The following DOCK4 variants were observed in gnomAD, a reference collection of about 807,000 sequenced individuals.
DOCK4 encodes dedicator of cytokinesis 4.
A neutral mutation model predicts 268.1 loss-of-function variants in DOCK4; 97 were observed. That is an observed-to-expected ratio of 0.36 (90% CI 0.31 to 0.43). The LOEUF (loss-of-function observed/expected upper bound fraction) is 0.43, where lower values mean the gene tolerates loss of function less well. Ranked by LOEUF, DOCK4 falls within the 20% of genes least tolerant of loss-of-function variation. The pLI is 1.00. For synonymous variants in DOCK4, 954 were observed against 887.2 expected, an observed-to-expected ratio of 1.08 and a Z score of -1.34; for missense variants, 2,145 against 2,455.7, an observed-to-expected ratio of 0.87 and a Z score of 2.67.
At chr7:112,172,758 A>C (rs534491755) in intron 1 of DOCK4, among the ~76,000 whole-genome samples, 1 of 152,372 alleles carries the variant, frequency 6.6e-6, no homozygotes. Context: ...TAAGTAAAAA[A>C]TGTAAAGCCG....
At chr7:112,103,039 G>A (rs1024619214) in intron 1 of DOCK4, among the ~76,000 whole-genome samples, 1 of 152,134 alleles carries the variant, frequency 6.6e-6, no homozygotes, top group Admixed American at 6.6e-5. Context: ...CTAGACCTCT[G>A]TCTCTGGTTA....
chr7:111,736,816 G>T lies in DOCK4; in HGVS notation c.5305+101C>A, dbSNP rs1049329993. On this transcript the variant is annotated intron_variant, in intron 50 of 52. Transcript: ENST00000428084. ...GCATACTAGTCCTGATCATTAAAGAGCTAGAGCACTGCTTTCCACACAGAC... is the reference window on the plus strand; with the variant it reads ...GCATACTAGTCCTGATCATTAAAGATCTAGAGCACTGCTTTCCACACAGAC... 1.4e-5 allele frequency: 14 copies of T among 1,011,082 alleles called. No homozygotes were observed. In the African/African-American group the frequency reaches 2.2e-4, roughly 16 times the overall value. The allele number at this position is 1,011,082 out of a possible 1,614,324, so 62.6% of individuals were successfully genotyped here. A position where few individuals can be genotyped will look rare whatever the true frequency, so the allele number is the denominator to read the frequency against.
At chr7:112,160,311 G>C (rs1439194770) in intron 1 of DOCK4, among the ~76,000 whole-genome samples, 1 of 152,156 alleles carries the variant, frequency 6.6e-6, no homozygotes, top group African/African-American at 2.4e-5. Flanking sequence ...TCTGCAAATT[G>C]AATTGGTGGG....
chr7:111,741,539 C>T lies in DOCK4; in HGVS notation c.4919+1G>A. ...GTAAGATAATTTGGAATATGACTTA[C>T]CTGCGTCTAGGAATTACCCTGGTAC... On this transcript the variant is annotated splice_donor_variant, in intron 46 of 52. Transcript: ENST00000428084. LOFTEE classifies it high-confidence loss of function. 1 of 1,612,560 alleles carries T rather than the reference C, an allele frequency of 6.2e-7. No homozygotes were observed. The highest frequency in any genetic ancestry group is 8.5e-7 in the Non-Finnish European group (1 of 1,179,380).
intron 36 of DOCK4, among the ~76,000 whole-genome samples, chr7:111,772,743 C>G (rs1235020140): frequency 6.6e-6 from 1 of 152,158 alleles, no homozygotes; most frequent in Non-Finnish European, 1.5e-5. Flanking sequence ...TTGCAGTGAG[C>G]TGAGATCATG....
intron 12 of DOCK4, among the ~76,000 whole-genome samples, chr7:111,935,075 T>C (rs916026564): frequency 6.6e-6 from 1 of 151,678 alleles, no homozygotes; most frequent in Non-Finnish European, 1.5e-5. Context: ...ACCTCCCGAG[T>C]AGCTGGGATT....
intron 8 of DOCK4, among the ~76,000 whole-genome samples, chr7:111,946,573 CATTTATTTATTT>C (rs1046249136): frequency 6.6e-6 from 1 of 152,044 alleles, no homozygotes. Context: ...TTATGCATGC[CATTTATTTATTT>C]ATTATTATTA....
chr7:111,905,683 A>G lies in DOCK4; in HGVS notation c.1193-3882T>C, dbSNP rs11983526. Among the ~76,000 whole-genome samples, 1,141 of 147,722 alleles carry G rather than the reference A, an allele frequency of 7.7e-3. 14 individuals carry two copies. The highest frequency in any genetic ancestry group is 0.025 in the African/African-American group (1,001 of 40,328). ...ATCTATTTTTTATATATATGCATGTATGTGTGTGTGTGTGTGTGTGTGTGT... is the reference window on the plus strand; with the variant it reads ...ATCTATTTTTTATATATATGCATGTGTGTGTGTGTGTGTGTGTGTGTGTGT... On this transcript the variant is annotated intron_variant, in intron 13 of 52. Coordinates refer to ENST00000428084, the MANE Select transcript of DOCK4 (RefSeq NM_001363540.2).
intron 30 of DOCK4, among the ~76,000 whole-genome samples, chr7:111,793,545 T>C (rs1470009986): frequency 2.6e-5 from 4 of 152,252 alleles, no homozygotes; most frequent in African/African-American, 9.6e-5. Flanking sequence ...TTGTATATTG[T>C]ATGTGTTTAC....
At chr7:111,905,679 ATGTATG>A (rs1289755924) in intron 13 of DOCK4, among the ~76,000 whole-genome samples, 3 of 115,292 alleles carry the variant, frequency 2.6e-5, no homozygotes, top group African/African-American at 1.2e-4. Flanking sequence ...ATATATATGC[ATGTATG>A]TGTGTGTGTG....
At chr7:112,200,496 T>A (rs1820812570) in intron 1 of DOCK4, among the ~76,000 whole-genome samples, 1 of 152,056 alleles carries the variant, frequency 6.6e-6, no homozygotes, top group Non-Finnish European at 1.5e-5. Flanking sequence ...TGTATTACTG[T>A]GTTACGGTTA....
At chr7:111,732,495 C>T (rs1292346140) in intron 51 of DOCK4, 8 of 592,056 alleles carry the variant, frequency 1.4e-5, no homozygotes, top group African/African-American at 1.3e-4. Flanking sequence ...GATATGGGAG[C>T]ATCAGTGAAA....
chr7:112,104,348 T>C (rs952922489), intron 1 of DOCK4, among the ~76,000 whole-genome samples: 1 of 152,200 alleles, frequency 6.6e-6, no homozygotes, highest in Non-Finnish European at 1.5e-5. Flanking sequence ...ATCACTGCAA[T>C]AGAATGCCTC....
intron 1 of DOCK4, among the ~76,000 whole-genome samples, chr7:112,130,239 C>G (rs1813680407): frequency 6.6e-6 from 1 of 152,076 alleles, no homozygotes; most frequent in Admixed American, 6.5e-5. Context: ...AGTACAGGTA[C>G]CCGTTGGGGA....
At chr7:112,018,070 T>A (rs1586651465) in intron 1 of DOCK4, among the ~76,000 whole-genome samples, 1 of 136,462 alleles carries the variant, frequency 7.3e-6, no homozygotes, top group South Asian at 2.4e-4. Context: ...GCACCTGTAG[T>A]CCCAGCTACT....
chr7:111,865,313 G>A (rs1212679476), intron 22 of DOCK4, among the ~76,000 whole-genome samples: 1 of 152,228 alleles, frequency 6.6e-6, no homozygotes, highest in Non-Finnish European at 1.5e-5. Context: ...TGGGGCAGGA[G>A]GACTAAATGA....
Position 112,128,626 on chromosome 7 carries a change from T to C in DOCK4, c.37+77476A>G, listed in dbSNP as rs189991188. Among the ~76,000 whole-genome samples the C allele has an allele frequency of 4.0e-3, 615 of 152,292 alleles. 6 individuals are homozygous for C. The highest frequency in any genetic ancestry group is 5.2e-3 in the Non-Finnish European group (351 of 68,024). ...ATCTGTGACCTTACCCCCAACCCTGTGCTCTCTGAAACATGTCCTCTGTCC... is the reference window on the plus strand; with the variant it reads ...ATCTGTGACCTTACCCCCAACCCTGCGCTCTCTGAAACATGTCCTCTGTCC... On this transcript the variant is annotated intron_variant, in intron 1 of 52. Transcript: ENST00000428084.
At chr7:111,780,466 T>G (rs1798723304) in intron 35 of DOCK4, among the ~76,000 whole-genome samples, 1 of 152,174 alleles carries the variant, frequency 6.6e-6, no homozygotes, top group African/African-American at 2.4e-5. Flanking sequence ...GATGATTTGC[T>G]CTAATAGCTT....
chr7:111,748,293 G>A (rs1417649434), intron 42 of DOCK4, among the ~76,000 whole-genome samples: 1 of 152,072 alleles, frequency 6.6e-6, no homozygotes, highest in Non-Finnish European at 1.5e-5. Context: ...CCTAGAATAT[G>A]AAGACTGAAC....
Sources: gnomAD v4.1 joint callset for allele counts (sites outside exome capture counted in the v4.1 genomes callset) on GRCh38, gnomAD v4.1.1 for gene constraint, MANE v1.5 for transcripts, NCBI Gene and HGNC (gene_info 2026-07-23, HGNC 2026-07-21) for gene names.